The following PLAT variants were observed in gnomAD, a reference collection of about 807,000 sequenced individuals.
PLAT encodes tissue-type plasminogen activator.
PLAT carries 48 observed loss-of-function variants against 74.9 expected under a neutral mutation model. That is an observed-to-expected ratio of 0.64 (90% CI 0.51 to 0.82). The LOEUF (loss-of-function observed/expected upper bound fraction) is 0.82. PLAT is among the 40% of genes least tolerant of loss of function. PLAT has a pLI of 0.00. For missense variants in PLAT, 673 were observed against 736.2 expected, an observed-to-expected ratio of 0.91 and a Z score of 0.99; for synonymous variants, 307 against 294.4, an observed-to-expected ratio of 1.04 and a Z score of -0.44.
intron 13 of PLAT, among the ~76,000 whole-genome samples, chr8:42,178,629 C>T (rs965677286): frequency 6.6e-6 from 1 of 152,208 alleles, no homozygotes; most frequent in Non-Finnish European, 1.5e-5. Context: ...AATCAATTGC[C>T]TGGGCTGAAA....
At chr8:42,182,172 C>T (rs1396018773) in intron 8 of PLAT, 150 bp from the exon 9 acceptor site, 6 of 570,616 alleles carry the variant, frequency 1.1e-5, no homozygotes, top group Non-Finnish European at 1.9e-5. Flanking sequence ...GCTGGGATTA[C>T]AGGCATGCAC....
rs1240893962 is a variant in PLAT at position 42,174,996 on chromosome 8, GC to G, written c.*996del. On this transcript the variant is annotated 3_prime_UTR_variant, in exon 14 of 14. Coordinates refer to ENST00000220809, the MANE Select transcript of PLAT (RefSeq NM_000930.5). ...TGCAACTGAATTCTACTACAAGTCT[GC>G]CCTTTTGTGACCGGCTCCACTGTAC... Among the ~76,000 whole-genome samples the G allele has an allele frequency of 6.6e-6, 1 of 152,062 alleles. No homozygotes were observed. Among genetic ancestry groups the G allele is most frequent in the African/African-American group, 2.4e-5 (1 of 41,382 alleles).
Position 42,194,233 on chromosome 8 carries a change from AGAGAGAGAGTGTGTGTGTGT to A in PLAT, c.-26-1042_-26-1023del, listed in dbSNP as rs1315103008. The stretch of plus-strand genomic sequence containing the variant: ...GCCTGGCTGAGAGAGAGAGAGAGAG[AGAGAGAGAGTGTGTGTGTGT>A]GTGTGTGTGTGTGTGTGTGTGTGTG... On this transcript the variant is annotated intron_variant, in intron 1 of 13. Coordinates refer to ENST00000220809, the MANE Select transcript of PLAT (RefSeq NM_000930.5). Among the ~76,000 whole-genome samples, 21 of 61,380 alleles carry A rather than the reference AGAGAGAGAGTGTGTGTGTGT, an allele frequency of 3.4e-4. No homozygotes were observed. The East Asian group carries it at 5.7e-3, about 17-fold the overall frequency. 40.3% of individuals were successfully genotyped at this position (61,380 alleles called of 152,430 possible). A position where few individuals can be genotyped will look rare whatever the true frequency, so the allele number is the denominator to read the frequency against.
chr8:42,176,216 G>A, intron 13 of PLAT, 65 bp from the exon 14 acceptor site: 1 of 1,231,468 alleles, frequency 8.1e-7, no homozygotes, highest in Non-Finnish European at 1.2e-6. Context: ...AAGTCAGTAT[G>A]TGTAGCATGA....
chr8:42,188,511 T>G (rs959368991), intron 4 of PLAT: 5 of 169,594 alleles, frequency 2.9e-5, no homozygotes, highest in Non-Finnish European at 6.3e-5. Context: ...AGGCTCCTTT[T>G]GAAGATTTGA....
rs767252398 is a variant in PLAT, at chr8:42,185,171, T to C, written c.541A>G (p.Asn181Asp). The C allele has an allele frequency of 1.6e-5, 26 of 1,608,784 alleles. No individual in the cohort carries two copies. The highest frequency in any genetic ancestry group is 2.1e-5 in the Non-Finnish European group (25 of 1,177,256). Residue 181 changes from asparagine to aspartate, a missense_variant and splice_region_variant, in exon 7 of 14, where the codon AAC becomes GAC. Physicochemically the swap from Asn to Asp is conservative, Grantham distance 23. Coordinates refer to ENST00000220809, the MANE Select transcript of PLAT (RefSeq NM_000930.5). ...CAGGGCTTTGAGTCTCGATCTGGGT[T>C]TCTGAAAAATCAGCCAAGGGAAGGG... ...LGLGNHNYCRNPDRDSKPWCY... is the reference protein window; with the variant it reads ...LGLGNHNYCRDPDRDSKPWCY...
intron 7 of PLAT, among the ~76,000 whole-genome samples, chr8:42,184,259 T>C (rs1156466224): frequency 6.6e-6 from 1 of 151,952 alleles, no homozygotes; most frequent in African/African-American, 2.4e-5. Flanking sequence ...ATTTAGAACT[T>C]AAAAAAAATC....
At chr8:42,203,370 T>A (rs960069301) in intron 1 of PLAT, among the ~76,000 whole-genome samples, 1 of 152,170 alleles carries the variant, frequency 6.6e-6, no homozygotes, top group Non-Finnish European at 1.5e-5. Context: ...TGGCCATTGG[T>A]GTGTGCAATT....
chr8:42,195,051 A>G (rs1242757223), intron 1 of PLAT, among the ~76,000 whole-genome samples: 4 of 152,098 alleles, frequency 2.6e-5, no homozygotes, highest in Non-Finnish European at 5.9e-5. Flanking sequence ...ACAAAAATTA[A>G]AGCATGGCAT....
chr8:42,192,918 G>C (rs1805740976), intron 2 of PLAT, among the ~76,000 whole-genome samples, 196 bp downstream of exon 2: 1 of 152,190 alleles, frequency 6.6e-6, no homozygotes, highest in Non-Finnish European at 1.5e-5. Flanking sequence ...TACACACTGG[G>C]CCCCCAAATA....
chr8:42,202,268 C>G (rs928008106), intron 1 of PLAT, among the ~76,000 whole-genome samples: 1 of 151,662 alleles, frequency 6.6e-6, no homozygotes, highest in African/African-American at 2.4e-5. Flanking sequence ...CTCCTTGGCT[C>G]AAGCAACCCG....
chr8:42,194,673 A>G (rs1350694626), intron 1 of PLAT, among the ~76,000 whole-genome samples: 2 of 152,132 alleles, frequency 1.3e-5, no homozygotes, highest in Admixed American at 1.3e-4. Context: ...TTTTATTGCC[A>G]GCACATCATA....
Position 42,180,584 on chromosome 8 carries a change from T to C in PLAT, c.991A>G (p.Lys331Glu). The C allele has an allele frequency of 6.2e-7, 1 of 1,613,658 alleles. No homozygotes were observed. Among genetic ancestry groups the C allele is most frequent in the Non-Finnish European group, 8.5e-7 (1 of 1,179,724 alleles). ...CGCTCTCCGGGCGACCTCCTGTGCT[T>C]GGCAAAGATGGCAGCCTGCCAGGGG... ...SHPWQAAIFA[K>E]HRRSPGERFL... The change falls in exon 10 of 14, where the codon AAG becomes GAG. Residue 331 changes from lysine to glutamate, a missense_variant. Coordinates refer to ENST00000220809, the MANE Select transcript of PLAT (RefSeq NM_000930.5).
At chr8:42,203,686 T>C (rs549862267) in intron 1 of PLAT, among the ~76,000 whole-genome samples, 17 of 152,248 alleles carry the variant, frequency 1.1e-4, no homozygotes, top group African/African-American at 4.1e-4. Flanking sequence ...TAAGAGGGAC[T>C]GGGCACAGTG....
chr8:42,182,008 TC>T lies in PLAT; in HGVS notation c.817del (p.Asp273MetfsTer9). 1 of 1,605,338 alleles carries T rather than the reference TC, an allele frequency of 6.2e-7. No homozygotes were observed. The highest frequency in any genetic ancestry group is 2.2e-5 in the East Asian group (1 of 44,832). On this transcript the variant is annotated frameshift_variant, in exon 9 of 14. Transcript: ENST00000220809. LOFTEE classifies it high-confidence loss of function. ...CAGCACGTGGCACCAGGGCTTGGCA[TC>T]CCCATCAGGATTCCTAAATGATAAG... is the stretch of plus-strand genomic sequence containing the variant. ...KHNYCRNPDG[D>X]AKPWCHVLKN...
In PLAT at chr8:42,207,551, T is replaced by A. The variant is rs1220743012; in HGVS notation, c.-84A>T. The A allele has an allele frequency of 5.3e-5, 8 of 152,268 alleles. No homozygotes were observed. Among genetic ancestry groups the A allele is most frequent in the African/African-American group, 1.9e-4 (8 of 41,446 alleles). 9.4% of individuals were successfully genotyped at this position (152,268 alleles called of 1,614,324 possible). ...TTTTCTCTCCAGCCCTGGACTCCTG[T>A]AGGATCTCAGCTCTGAGCTCCCCAC... On this transcript the variant is annotated 5_prime_UTR_variant, in exon 1 of 14. Coordinates refer to ENST00000220809, the MANE Select transcript of PLAT (RefSeq NM_000930.5).
At chr8:42,192,002 CTTTTTTTTTTT>C (rs1177070988) in intron 2 of PLAT, among the ~76,000 whole-genome samples, 4 of 127,136 alleles carry the variant, frequency 3.1e-5, no homozygotes, top group Non-Finnish European at 5.0e-5. Flanking sequence ...TTGCCTTTTT[CTTTTTTTTTTT>C]TTTTTTTTGA....
chr8:42,193,322 C>A, intron 1 of PLAT, 111 bp from the exon 2 acceptor site: 1 of 668,636 alleles, frequency 1.5e-6, no homozygotes. Flanking sequence ...GTGCCAGCCC[C>A]GCGGCAGAAA....
chr8:42,187,367 G>T, intron 6 of PLAT, 31 bp downstream of exon 6: 1 of 1,523,910 alleles, frequency 6.6e-7, no homozygotes, highest in Non-Finnish European at 8.8e-7. Context: ...CTTCTCACAG[G>T]GGGAATCCCT....
Sources: gnomAD v4.1 joint callset for allele counts (sites outside exome capture counted in the v4.1 genomes callset) on GRCh38, gnomAD v4.1.1 for gene constraint, MANE v1.5 for transcripts, NCBI Gene and HGNC (gene_info 2026-07-23, HGNC 2026-07-21) for gene names.